ST3GAL1: variants seen among roughly 807,000 people sequenced by gnomAD.
ST3GAL1 encodes the protein ST3 beta-galactoside alpha-2,3-sialyltransferase 1, also known as CMP-N-acetylneuraminate-beta-galactosamide-alpha-2,3-sialyltransferase 1.
Under a neutral mutation model 34.1 loss-of-function variants are expected in ST3GAL1, and 16 were observed. That is an observed-to-expected ratio of 0.47 (90% CI 0.32 to 0.71). ST3GAL1 has a LOEUF of 0.71. Among genes scored for constraint, ST3GAL1 ranks in the 30% least tolerant of loss-of-function variants. ST3GAL1 has a pLI of 0.04. For synonymous variants in ST3GAL1, 191 were observed against 184.7 expected (o/e 1.03, Z -0.28); for missense variants, 353 against 447.4 (o/e 0.79, Z 1.90).
At chr8:133,521,785 C>T (rs73359296) in intron 2 of ST3GAL1, among the ~76,000 whole-genome samples, 2,302 of 152,098 alleles carry the variant, frequency 0.015, 57 homozygotes, top group African/African-American at 0.052. Flanking sequence ...AAATTGGAAA[C>T]GAAAAGAGAA....
chr8:133,466,060 A>G lies in ST3GAL1; in HGVS notation c.337T>C (p.Leu113=). ...RLQREKKPNN[L]NDTIKELFRV... ...AACAGCTCCTTGATGGTGTCATTCA[A>G]GTTATTGGGCTTCTTCTCCCGCTGG... The change falls in exon 6 of 10, where the codon TTG becomes CTG. Residue 113 remains leucine (L), a synonymous_variant. Coordinates refer to ENST00000522652, the MANE Select transcript of ST3GAL1 (RefSeq NM_173344.3). This position sits in a 1 kb window ranked among gnomAD's most constrained non-coding sequence, Gnocchi z 4.4. 6.2e-7 allele frequency: 1 copy of G among 1,613,590 alleles called. No individual in the cohort carries two copies. Among genetic ancestry groups the G allele is most frequent in the Non-Finnish European group, 8.5e-7 (1 of 1,179,648 alleles).
intron 1 of ST3GAL1, among the ~76,000 whole-genome samples, chr8:133,562,789 C>A: frequency 8.8e-6 from 1 of 113,304 alleles, no homozygotes. Context: ...TTCTTTCTTT[C>A]TTTCTTTCCT....
chr8:133,529,344 C>T lies in ST3GAL1; in HGVS notation c.-429+16430G>A, dbSNP rs1469099809. Among the ~76,000 whole-genome samples the T allele has an allele frequency of 2.6e-5, 4 of 152,130 alleles. No individual in the cohort carries two copies. In the East Asian group the frequency reaches 7.7e-4, roughly 29 times the overall value. ...AGTTCTGATGAAGAAGAGAGATGGGCCTTGGGAGCTTATAGGTCGAAGGTG... is the reference window on the plus strand; with the variant it reads ...AGTTCTGATGAAGAAGAGAGATGGGTCTTGGGAGCTTATAGGTCGAAGGTG... On this transcript the variant is annotated intron_variant, in intron 2 of 9. Coordinates refer to ENST00000522652, the MANE Select transcript of ST3GAL1 (RefSeq NM_173344.3).
At chr8:133,526,953 C>T (rs2978012) in intron 2 of ST3GAL1, among the ~76,000 whole-genome samples, 42,954 of 151,924 alleles carry the variant, frequency 0.28, 6,971 homozygotes, top group Middle Eastern at 0.37. Flanking sequence ...AACAACTCAG[C>T]GAAGTCAGGC....
At chr8:133,521,676 T>C (rs1413436469) in intron 2 of ST3GAL1, among the ~76,000 whole-genome samples, 1 of 152,238 alleles carries the variant, frequency 6.6e-6, no homozygotes, top group Non-Finnish European at 1.5e-5. Flanking sequence ...AATTAAACCA[T>C]GATATGTTAA....
intron 2 of ST3GAL1, among the ~76,000 whole-genome samples, chr8:133,518,235 C>G (rs1817701167): frequency 6.6e-6 from 1 of 152,196 alleles, no homozygotes; most frequent in African/African-American, 2.4e-5. Context: ...GCAGGGCTGC[C>G]TTCCACTGTA....
At chr8:133,489,373 C>T (rs371121425) in intron 3 of ST3GAL1, among the ~76,000 whole-genome samples, 2 of 152,152 alleles carry the variant, frequency 1.3e-5, no homozygotes, top group African/African-American at 2.4e-5. Flanking sequence ...CCATGCCTCC[C>T]GCCCCTCCCC....
At chr8:133,551,582 GAAAGAAAGAAA>G (rs1818855958) in intron 1 of ST3GAL1, among the ~76,000 whole-genome samples, 1 of 149,606 alleles carries the variant, frequency 6.7e-6, no homozygotes, top group African/African-American at 2.5e-5. Flanking sequence ...AAGAAAGAAA[GAAAGAAAGAAA>G]GAAAGAAAGA....
chr8:133,472,354 C>T (rs1014204010), intron 5 of ST3GAL1, among the ~76,000 whole-genome samples: 2 of 152,146 alleles, frequency 1.3e-5, no homozygotes, highest in African/African-American at 2.4e-5. Flanking sequence ...ATTCTTCCAA[C>T]CCCCTCAACA....
intron 2 of ST3GAL1, among the ~76,000 whole-genome samples, chr8:133,534,385 T>C (rs980753691): frequency 7.2e-5 from 11 of 151,888 alleles, no homozygotes; most frequent in Admixed American, 5.3e-4. Flanking sequence ...ATATATATTA[T>C]AGGACATGGC....
intron 2 of ST3GAL1, among the ~76,000 whole-genome samples, chr8:133,538,623 A>G (rs911327074): frequency 6.6e-6 from 1 of 152,248 alleles, no homozygotes; most frequent in African/African-American, 2.4e-5. Context: ...AAGCACTGTT[A>G]GCACTTGGCA....
intron 2 of ST3GAL1, among the ~76,000 whole-genome samples, chr8:133,511,684 T>A (rs1349423477): frequency 6.6e-6 from 1 of 152,156 alleles, no homozygotes; most frequent in Non-Finnish European, 1.5e-5. Flanking sequence ...TAGAGACCTT[T>A]CGAGTCACAT....
At chr8:133,555,878 T>C (rs13253593) in intron 1 of ST3GAL1, among the ~76,000 whole-genome samples, 6 of 152,010 alleles carry the variant, frequency 3.9e-5, no homozygotes, top group African/African-American at 1.4e-4. Flanking sequence ...TTGTTGTTGT[T>C]GTTTGTTTGT....
At chr8:133,470,022 C>T (rs1187514593) in intron 5 of ST3GAL1, among the ~76,000 whole-genome samples, 1 of 152,234 alleles carries the variant, frequency 6.6e-6, no homozygotes, top group Non-Finnish European at 1.5e-5. Context: ...GTAAGTCCTC[C>T]CCACACCAGC....
chr8:133,487,254 A>G (rs72718297), intron 3 of ST3GAL1, among the ~76,000 whole-genome samples: 4,652 of 151,870 alleles, frequency 0.031, 85 homozygotes, highest in Middle Eastern at 0.065. Context: ...GTTACTAATA[A>G]TCTTGAATAT....
chr8:133,503,996 G>T (rs895945715), intron 2 of ST3GAL1, among the ~76,000 whole-genome samples: 4 of 152,200 alleles, frequency 2.6e-5, no homozygotes, highest in African/African-American at 9.7e-5. Context: ...AGGGGAGGCT[G>T]GTCCTGCTCA....
rs1377708649 is a variant in ST3GAL1, at chr8:133,459,772, C to T, written c.1015G>A (p.Gly339Arg). ...ASINKIRIFK[G>R]R is the part of the protein sequence containing the mutation. ...CTCAGCCCTTCACTGCGTCATCTCC[C>T]CTTGAAGATCCGGATTTTATTGATG... Residue 339 changes from glycine (G) to arginine (R), a missense_variant, in exon 10 of 10, where the codon GGG becomes AGG. By Grantham distance (125) the Gly-to-Arg change is moderately radical (BLOSUM62 -2). Coordinates refer to ENST00000522652, the MANE Select transcript of ST3GAL1 (RefSeq NM_173344.3). The surrounding 1 kb of genome is among the most constrained non-coding windows in gnomAD (Gnocchi z 4.7). The T allele has an allele frequency of 3.1e-6, 5 of 1,611,606 alleles. No individual in the cohort carries two copies. The highest frequency in any genetic ancestry group is 2.2e-5 in the East Asian group (1 of 44,754).
intron 5 of ST3GAL1, among the ~76,000 whole-genome samples, chr8:133,475,260 G>C (rs915544766): frequency 6.6e-6 from 1 of 152,238 alleles, no homozygotes; most frequent in Non-Finnish European, 1.5e-5. Context: ...CAGCTGGCAG[G>C]AGCCAGGAGC....
At chr8:133,538,941 G>A (rs955334228) in intron 2 of ST3GAL1, among the ~76,000 whole-genome samples, 4 of 152,150 alleles carry the variant, frequency 2.6e-5, no homozygotes, top group African/African-American at 9.7e-5. Flanking sequence ...TAACCAGTCT[G>A]TGCCTGGGTT....
Sources: gnomAD v4.1 joint callset for allele counts (sites outside exome capture counted in the v4.1 genomes callset) on GRCh38, gnomAD v4.1.1 for gene constraint, Gnocchi (gnomAD v3.1) non-coding constraint, MANE v1.5 for transcripts, NCBI Gene and HGNC (gene_info 2026-07-23, HGNC 2026-07-21) for gene names.